SLU7: variants seen among roughly 807,000 people sequenced by gnomAD.
The protein encoded by SLU7 is pre-mRNA-splicing factor SLU7.
SLU7 carries 60 observed loss-of-function variants against 87.0 expected under a neutral mutation model. The ratio of observed to expected loss-of-function variants is 0.69; its 90% CI spans 0.56 to 0.86. The LOEUF (loss-of-function observed/expected upper bound fraction) is 0.86, where lower values mean the gene tolerates loss of function less well. Ranked by LOEUF, SLU7 falls within the 40% of genes least tolerant of loss-of-function variation. The pLI, the probability that SLU7 is intolerant of heterozygous loss-of-function variation, is 0.00. For synonymous variants in SLU7, 197 were observed against 222.0 expected (o/e 0.89, Z 1.00); for missense variants, 507 against 686.6 (o/e 0.74, Z 2.92).
Position 160,413,463 on chromosome 5 carries a change from A to G in SLU7, c.563T>C (p.Val188Ala), listed in dbSNP as rs748814081. Residue 188 changes from valine to alanine, a missense_variant, in exon 5 of 16, where the codon GTT becomes GCT. Val to Ala is a moderately conservative substitution (Grantham distance 64, BLOSUM62 0). Transcript: ENST00000297151. ...HMKIVEEYAK[V>A]DLAKRTLKAQ... ...GCAGGGAATTTTGCTCACCAAATCA[A>G]CTTTGGCATACTCTTCAACAATTTT... is the stretch of plus-strand genomic sequence containing the variant. The G allele has an allele frequency of 1.9e-6, 3 of 1,612,950 alleles. No homozygotes were observed. The Admixed American group carries it at 5.0e-5, about 27-fold the overall frequency.
Position 160,413,508 on chromosome 5 carries a change from T to C in SLU7, c.518A>G (p.Tyr173Cys), listed in dbSNP as rs759239328. Residue 173 changes from tyrosine to cysteine, a missense_variant, in exon 5 of 16, where the codon TAC becomes TGC. This residue lies in a region of SLU7 where 155 missense variants were observed against 154.4 expected (regional missense o/e 1.00). Coordinates refer to ENST00000297151, the MANE Select transcript of SLU7 (RefSeq NM_006425.5). The stretch of plus-strand genomic sequence containing the variant: ...AATTTTCATGTGTTCTTCTGGATTG[T>C]AGCCATTCCACCGATCCCTCTTCCC... ...YDGKRDRWNG[Y>C]NPEEHMKIVE... The C allele has an allele frequency of 6.2e-7, 1 of 1,614,006 alleles. No homozygotes were observed. The highest frequency in any genetic ancestry group is 8.5e-7 in the Non-Finnish European group (1 of 1,179,894).
Position 160,407,938 on chromosome 5 carries a change from T to C in SLU7, c.917+33A>G. 2 of 1,525,266 alleles carry C rather than the reference T, an allele frequency of 1.3e-6. No homozygotes were observed. Among genetic ancestry groups the C allele is most frequent in the Non-Finnish European group, 1.8e-6 (2 of 1,100,194 alleles). 94.5% of individuals were successfully genotyped at this position (1,525,266 alleles called of 1,614,324 possible). A position where few individuals can be genotyped will look rare whatever the true frequency, so the allele number is the denominator to read the frequency against. On this transcript the variant is annotated intron_variant, in intron 9 of 15. Coordinates refer to ENST00000297151, the MANE Select transcript of SLU7 (RefSeq NM_006425.5). This position sits in a 1 kb window ranked among gnomAD's most constrained non-coding sequence, Gnocchi z 4.2. ...TCAGAAAACAATTAACTTTCTCTCATCTTAAAATCTGTACATTTAACTTGA... is the reference window on the plus strand; with the variant it reads ...TCAGAAAACAATTAACTTTCTCTCACCTTAAAATCTGTACATTTAACTTGA...
At chr5:160,409,571 C>T (rs1355919857) in intron 6 of SLU7, among the ~76,000 whole-genome samples, 1 of 152,076 alleles carries the variant, frequency 6.6e-6, no homozygotes, top group Non-Finnish European at 1.5e-5. Context: ...CACTGAAATA[C>T]ACTTCTAGAA....
At chr5:160,403,750 C>T (rs1764885435) in intron 15 of SLU7, among the ~76,000 whole-genome samples, 1 of 152,198 alleles carries the variant, frequency 6.6e-6, no homozygotes, top group African/African-American at 2.4e-5. Flanking sequence ...TTTACTTATA[C>T]AAGCTCACAA....
At chr5:160,403,513 T>C in intron 15 of SLU7, 49 bp from the exon 16 acceptor site, 5 of 1,481,880 alleles carry the variant, frequency 3.4e-6, no homozygotes, top group Non-Finnish European at 4.5e-6. Context: ...ATCAGATGTC[T>C]TTTCTTCAAA....
chr5:160,410,659 C>T (rs1260597566), intron 6 of SLU7, among the ~76,000 whole-genome samples: 6 of 152,136 alleles, frequency 3.9e-5, no homozygotes, highest in Non-Finnish European at 1.5e-5. Flanking sequence ...AATTACATTA[C>T]GTTTACAACA....
chr5:160,417,562 C>T (rs1005531802), intron 1 of SLU7, among the ~76,000 whole-genome samples: 2 of 152,030 alleles, frequency 1.3e-5, no homozygotes, highest in African/African-American at 2.4e-5. Context: ...CCGAGGCGGG[C>T]GGATCACCTG....
chr5:160,411,764 A>C (rs953629836), intron 6 of SLU7, among the ~76,000 whole-genome samples: 2 of 152,110 alleles, frequency 1.3e-5, no homozygotes, highest in Non-Finnish European at 2.9e-5. Context: ...TATTTACTCT[A>C]TTGACAAGGA....
chr5:160,404,777 T>C, intron 14 of SLU7, 32 bp downstream of exon 14: 1 of 1,509,860 alleles, frequency 6.6e-7, no homozygotes, highest in Admixed American at 1.7e-5. Flanking sequence ...CTCCAGGACT[T>C]AAAAATTCAG....
intron 12 of SLU7, 99 bp downstream of exon 12, chr5:160,406,369 A>T: frequency 1.1e-6 from 1 of 926,898 alleles, no homozygotes; most frequent in Non-Finnish European, 1.5e-6. Context: ...TTTTTAAAGC[A>T]TAGAGAATAC....
Position 160,413,563 on chromosome 5 carries a change from C to A in SLU7, c.463G>T (p.Val155Phe). 1 of 1,614,000 alleles carries A rather than the reference C, an allele frequency of 6.2e-7. No individual in the cohort carries two copies. Among genetic ancestry groups the A allele is most frequent in the Non-Finnish European group, 8.5e-7 (1 of 1,179,876 alleles). The change falls in exon 5 of 16, where the codon GTC becomes TTC. Residue 155 changes from valine (V) to phenylalanine (F), a missense_variant. Coordinates refer to ENST00000297151, the MANE Select transcript of SLU7 (RefSeq NM_006425.5). ...TAGTCAAACATCAGTTGAGGCTGGA[C>A]ATGTTCATCTGGAGCTATATTAGTA... ...TGTNIAPDEH[V>F]QPQLMFDYDG...
chr5:160,414,724 A>T (rs1765382116), intron 2 of SLU7, among the ~76,000 whole-genome samples: 1 of 152,192 alleles, frequency 6.6e-6, no homozygotes, highest in African/African-American at 2.4e-5. Flanking sequence ...ACAAGAGAGG[A>T]AGGAAAATAG....
chr5:160,404,619 G>C, intron 14 of SLU7, 63 bp from the exon 15 acceptor site: 1 of 1,131,260 alleles, frequency 8.8e-7, no homozygotes, highest in Non-Finnish European at 1.3e-6. Flanking sequence ...TGCACTACTT[G>C]GGCGGCTGAG....
At chr5:160,404,612 A>T in intron 14 of SLU7, 56 bp from the exon 15 acceptor site, 1 of 1,241,274 alleles carries the variant, frequency 8.1e-7, no homozygotes. Flanking sequence ...GCTCAGGTGC[A>T]CTACTTGGGC....
At position 160,401,794 on chromosome 5, in the gene SLU7, T is replaced by C. The variant is rs931575280; in HGVS notation, c.*1491A>G. On this transcript the variant is annotated 3_prime_UTR_variant, in exon 16 of 16. Transcript: ENST00000297151. Reference sequence around the variant, plus strand: ...TAAATAGGAATTAAATCTATTTGCATTGCTGTTTAATTTCATACCAATCTA... The same window carrying C: ...TAAATAGGAATTAAATCTATTTGCACTGCTGTTTAATTTCATACCAATCTA... 1.3e-5 allele frequency: 2 copies of C among 152,238 alleles called. No individual in the cohort carries two copies. The highest frequency in any genetic ancestry group is 4.8e-5 in the African/African-American group (2 of 41,466). The allele number at this position is 152,238 out of a possible 1,614,324, so 9.4% of individuals were successfully genotyped here. A position where few individuals can be genotyped will look rare whatever the true frequency, so the allele number is the denominator to read the frequency against.
chr5:160,412,335 C>T, intron 6 of SLU7, 116 bp downstream of exon 6: 1 of 669,014 alleles, frequency 1.5e-6, no homozygotes, highest in South Asian at 1.8e-5. Context: ...TTATTTTTCC[C>T]CCAATAGCAT....
In SLU7 at chr5:160,403,373, G is replaced by A. The variant is rs949965517; in HGVS notation, c.1673C>T (p.Thr558Ile). Residue 558 changes from threonine to isoleucine, a missense_variant, in exon 16 of 16, where the codon ACT becomes ATT. Thr to Ile is a moderately conservative substitution (Grantham distance 89). Coordinates refer to ENST00000297151, the MANE Select transcript of SLU7 (RefSeq NM_006425.5). ...CATTTCCTCTTCAGTAGGTTCTCGA[G>A]TTTCATACATGCTATTGTAAGGCCG... ...RKRPYNSMYE[T>I]REPTEEEMEA... The A allele has an allele frequency of 8.1e-6, 13 of 1,613,354 alleles. No individual in the cohort carries two copies. The highest frequency in any genetic ancestry group is 1.1e-5 in the Non-Finnish European group (13 of 1,179,766).
At chr5:160,408,489 GAAGAA>G (rs1458350153) in intron 7 of SLU7, 29 bp from the exon 8 acceptor site, 1 of 1,575,996 alleles carries the variant, frequency 6.3e-7, no homozygotes, top group Non-Finnish European at 8.6e-7. Flanking sequence ...GGAAAAGTAA[GAAGAA>G]AAGAAAGCAG....
At chr5:160,408,110 G>T in intron 8 of SLU7, 42 bp from the exon 9 acceptor site, 1 of 1,418,624 alleles carries the variant, frequency 7.0e-7, no homozygotes, top group Non-Finnish European at 9.9e-7. Flanking sequence ...TTTACTCACA[G>T]CAAAAAGATT....
Sources: gnomAD v4.1 joint callset for allele counts (sites outside exome capture counted in the v4.1 genomes callset) on GRCh38, gnomAD v4.1.1 for gene constraint, gnomAD v4.1.1 regional missense constraint, Gnocchi (gnomAD v3.1) non-coding constraint, MANE v1.5 for transcripts, NCBI Gene and HGNC (gene_info 2026-07-23, HGNC 2026-07-21) for gene names.